YWHAE: variants seen among roughly 807,000 people sequenced by gnomAD.
YWHAE encodes the protein 14-3-3 protein epsilon.
A neutral mutation model predicts 30.1 loss-of-function variants in YWHAE; 4 were observed. The ratio of observed to expected loss-of-function variants is 0.13; its 90% confidence interval spans 0.07 to 0.30. The LOEUF is 0.30. YWHAE is among the 10% of genes least tolerant of loss of function. The pLI is 1.00. For synonymous variants in YWHAE, 118 were observed against 111.8 expected, an observed-to-expected ratio of 1.06 and a Z score of -0.35; for missense variants, 121 against 315.9, an observed-to-expected ratio of 0.38 and a Z score of 4.68.
chr17:1,359,843 T>A (rs2072827518), intron 4 of YWHAE, among the ~76,000 whole-genome samples: 1 of 127,364 alleles, frequency 7.9e-6, no homozygotes, highest in Non-Finnish European at 1.8e-5. Context: ...TGTGTGTGTG[T>A]GTGTGTGTGT....
chr17:1,374,005 G>A (rs1404622031), intron 1 of YWHAE, among the ~76,000 whole-genome samples: 2 of 152,020 alleles, frequency 1.3e-5, no homozygotes, highest in Non-Finnish European at 2.9e-5. Context: ...CTACTGTATG[G>A]ATATACTATG....
chr17:1,345,638 T>G (rs1439185959), intron 5 of YWHAE, 139 bp from the exon 6 acceptor site: 8 of 827,702 alleles, frequency 9.7e-6, no homozygotes, highest in Non-Finnish European at 1.6e-5. Context: ...AGGACTTCTA[T>G]CATCCTTGAC....
chr17:1,373,851 C>A (rs1013469629), intron 1 of YWHAE, among the ~76,000 whole-genome samples: 1 of 152,014 alleles, frequency 6.6e-6, no homozygotes, highest in South Asian at 2.1e-4. Context: ...GGTGTACCTA[C>A]GAACAGAGCC....
At chr17:1,395,473 G>A (rs1229122125) in intron 1 of YWHAE, among the ~76,000 whole-genome samples, 1 of 152,178 alleles carries the variant, frequency 6.6e-6, no homozygotes, top group Non-Finnish European at 1.5e-5. Flanking sequence ...AGGTTGCAGT[G>A]AGCCAAGACC....
intron 1 of YWHAE, among the ~76,000 whole-genome samples, chr17:1,373,083 A>C (rs9896417): frequency 0.25 from 37,518 of 151,768 alleles, 5,375 homozygotes; most frequent in African/African-American, 0.39. Context: ...TCTACTAAAA[A>C]TACAAAAAAA....
chr17:1,378,817 C>T (rs2073162599), intron 1 of YWHAE, among the ~76,000 whole-genome samples: 1 of 152,050 alleles, frequency 6.6e-6, no homozygotes. Context: ...CATGGTGGCA[C>T]ACACCTGTGA....
At position 1,371,232 on chromosome 17, in the gene YWHAE, G is replaced by A. The variant is rs151167138; in HGVS notation, c.65-6174C>T. ...TGAGTAGCTGGGACTACAGGTGTAC[G>A]CCATTACGCCCAGCTAATTTTTATT... On this transcript the variant is annotated intron_variant, in intron 1 of 5. Coordinates refer to ENST00000264335, the MANE Select transcript of YWHAE (RefSeq NM_006761.5). 8.9e-3 allele frequency among the ~76,000 whole-genome samples: 1,361 copies of A among 152,108 alleles called. 9 individuals are homozygous for A. Among genetic ancestry groups the A allele is most frequent in the Non-Finnish European group, 0.013 (890 of 67,998 alleles).
At chr17:1,350,773 A>T (rs1020099496) in intron 5 of YWHAE, among the ~76,000 whole-genome samples, 1 of 151,664 alleles carries the variant, frequency 6.6e-6, no homozygotes, top group African/African-American at 2.4e-5. Context: ...ATAATAAAAA[A>T]AAATGGCCAG....
In YWHAE at chr17:1,361,172, C is replaced by T. The variant is rs146808095; in HGVS notation, c.498G>A (p.Thr166=). The change falls in exon 4 of 6, where the codon ACG becomes ACA. Residue 166 remains threonine (T), a synonymous_variant. Coordinates refer to ENST00000264335, the MANE Select transcript of YWHAE (RefSeq NM_006761.5). The part of the protein sequence containing the change: ...SDIAMTELPP[T]HPIRLGLALN... ...GAGCAAGACCTAAGCGAATAGGATG[C>T]GTTGGTGGAAGTTCTGTCATTGCAA... 1.3e-5 allele frequency: 21 copies of T among 1,613,902 alleles called. No homozygotes were observed. In the African/African-American group the frequency reaches 2.0e-4, roughly 15 times the overall value.
At chr17:1,360,876 CAAA>C (rs1167267759) in intron 4 of YWHAE, among the ~76,000 whole-genome samples, 2 of 152,150 alleles carry the variant, frequency 1.3e-5, no homozygotes, top group African/African-American at 2.4e-5. Flanking sequence ...CTACCAGCAA[CAAA>C]AATATCCCAC....
intron 1 of YWHAE, among the ~76,000 whole-genome samples, chr17:1,384,468 G>A (rs999585551): frequency 1.3e-4 from 19 of 150,746 alleles, no homozygotes; most frequent in African/African-American, 2.4e-5. Flanking sequence ...AAGGCGGGCA[G>A]ATCACAACGT....
At chr17:1,389,696 A>T (rs958046311) in intron 1 of YWHAE, among the ~76,000 whole-genome samples, 4 of 150,804 alleles carry the variant, frequency 2.7e-5, no homozygotes, top group Non-Finnish European at 5.9e-5. Context: ...ACGCCCAGCT[A>T]ATTTTTTGTA....
rs141532807 is a variant in YWHAE, at chr17:1,383,781, T to C, written c.64+16266A>G. On this transcript the variant is annotated intron_variant, in intron 1 of 5. Transcript: ENST00000264335. ...AGTATTATAAACAGTTAATAAACCTTTTCAGAAAATAGAGTATTCCCGCAA... is the reference window on the plus strand; with the variant it reads ...AGTATTATAAACAGTTAATAAACCTCTTCAGAAAATAGAGTATTCCCGCAA... Among the ~76,000 whole-genome samples, 901 of 152,246 alleles carry C rather than the reference T, an allele frequency of 5.9e-3. 12 individuals are homozygous for C. The highest frequency in any genetic ancestry group is 0.021 in the African/African-American group (858 of 41,544).
chr17:1,356,365 A>G (rs1010153030), intron 4 of YWHAE, among the ~76,000 whole-genome samples: 1 of 152,178 alleles, frequency 6.6e-6, no homozygotes, highest in Non-Finnish European at 1.5e-5. Context: ...CACAAAAACA[A>G]AAGAAGAAGA....
intron 1 of YWHAE, among the ~76,000 whole-genome samples, chr17:1,388,306 G>T (rs866784262): frequency 6.6e-6 from 1 of 150,710 alleles, no homozygotes; most frequent in African/African-American, 2.4e-5. Flanking sequence ...CGTGAGATCA[G>T]GAGATCAAGA....
At chr17:1,354,756 A>G (rs1598228408) in intron 4 of YWHAE, among the ~76,000 whole-genome samples, 1 of 151,554 alleles carries the variant, frequency 6.6e-6, no homozygotes, top group East Asian at 2.0e-4. Context: ...TTCGCCTCTC[A>G]GGTTCATGCC....
chr17:1,370,341 C>T (rs892710041), intron 1 of YWHAE, among the ~76,000 whole-genome samples: 2 of 151,520 alleles, frequency 1.3e-5, no homozygotes, highest in African/African-American at 2.4e-5. Context: ...CCATGTTAGC[C>T]AGGACGGTCT....
intron 1 of YWHAE, among the ~76,000 whole-genome samples, chr17:1,368,045 G>C (rs1000161835): frequency 6.6e-6 from 1 of 152,148 alleles, no homozygotes; most frequent in Non-Finnish European, 1.5e-5. Flanking sequence ...GAGGTCAGGA[G>C]TTCAAGACCA....
chr17:1,393,402 T>C (rs1186039761), intron 1 of YWHAE, among the ~76,000 whole-genome samples: 3 of 151,956 alleles, frequency 2.0e-5, no homozygotes, highest in Admixed American at 2.0e-4. Flanking sequence ...GCATCAGCCA[T>C]ATCCCAGTAC....
Sources: gnomAD v4.1 joint callset for allele counts (sites outside exome capture counted in the v4.1 genomes callset) on GRCh38, gnomAD v4.1.1 for gene constraint, MANE v1.5 for transcripts, NCBI Gene and HGNC (gene_info 2026-07-23, HGNC 2026-07-21) for gene names.